The following TASOR2 variants were observed in gnomAD, a reference collection of about 807,000 sequenced individuals.
TASOR2 encodes the protein transcription activation suppressor family member 2, also known as protein TASOR 2.
In TASOR2, 84 loss-of-function variants were observed where a neutral mutation model predicts 199.5. The ratio of observed to expected loss-of-function variants is 0.42; its 90% CI spans 0.35 to 0.50. The LOEUF is 0.50. Ranked by LOEUF, TASOR2 falls within the 20% of genes least tolerant of loss-of-function variation. The probability of loss-of-function intolerance (pLI) is 0.02; values close to 1 mark genes in which losing one functional copy is unlikely to be tolerated. For missense variants in TASOR2, 2,796 were observed against 2,835.9 expected, an observed-to-expected ratio of 0.99 and a Z score of 0.32; for synonymous variants, 1,103 against 1,046.6, an observed-to-expected ratio of 1.05 and a Z score of -1.04.
intron 1 of TASOR2, among the ~76,000 whole-genome samples, chr10:5,686,656 A>G (rs1223833314): frequency 6.6e-6 from 1 of 152,226 alleles, no homozygotes; most frequent in African/African-American, 2.4e-5. Context: ...TTTTATCTCC[A>G]TGCTAGCCAG....
exon 20 of TASOR2, chr10:5,762,554 A>T (rs750631530): frequency 1.6e-6 from 2 of 1,224,686 alleles, no homozygotes; most frequent in South Asian, 1.5e-5. Flanking sequence ...TCCCCAGAGA[A>T]GTCTTTGAAA....
chr10:5,686,675 G>A (rs774211835), intron 1 of TASOR2, among the ~76,000 whole-genome samples: 1 of 152,212 alleles, frequency 6.6e-6, no homozygotes, highest in Non-Finnish European at 1.5e-5. Context: ...AGCACTGGAT[G>A]ATAATGGTAT....
rs1554784463 is a variant in TASOR2, at chr10:5,762,508, G to GATTTT, written c.7175-24_7175-23insATTTT. Reference sequence around the variant, plus strand: ...AGTACATTAATTATATTAACCAAAAGTTGTTTTTTTTTTTTTTTAACAGAC... The same window carrying GATTTT: ...AGTACATTAATTATATTAACCAAAAGATTTTTTGTTTTTTTTTTTTTTTAACAGAC... On this transcript the variant is annotated intron_variant, in intron 19 of 20. Coordinates refer to ENST00000328090, the Ensembl canonical transcript of TASOR2. The GATTTT allele has an allele frequency of 1.2e-3, 605 of 488,150 alleles. 4 individuals carry two copies. Among genetic ancestry groups the GATTTT allele is most frequent in the Middle Eastern group, 2.6e-3 (4 of 1,548 alleles). The allele number at this position is 488,150 out of a possible 1,614,324, so 30.2% of individuals were successfully genotyped here. A position where few individuals can be genotyped will look rare whatever the true frequency, so the allele number is the denominator to read the frequency against.
In TASOR2 at chr10:5,737,183, T is replaced by C. The variant is rs1835735720; in HGVS notation, c.1447+1637T>C. 6.6e-6 allele frequency among the ~76,000 whole-genome samples: 1 copy of C among 151,974 alleles called. No homozygotes were observed. The highest frequency in any genetic ancestry group is 2.1e-4 in the South Asian group (1 of 4,806). Reference sequence around the variant, plus strand: ...CCATTTTGGCCAGGATAGTCTCAACTTCTTGACCTCTTGACCTCATGCTCT... The same window carrying C: ...CCATTTTGGCCAGGATAGTCTCAACCTCTTGACCTCTTGACCTCATGCTCT... On this transcript the variant is annotated intron_variant, in intron 12 of 20. Transcript: ENST00000328090. This position sits in a 1 kb window ranked among gnomAD's most constrained non-coding sequence, Gnocchi z 4.9.
Position 5,720,410 on chromosome 10 carries a change from G to C in TASOR2, c.-99-134G>C. ...TGAACTGAGTCAGGTATAGTTACCT[G>C]TGAATGAGTAACACCCAAGATATAT... On this transcript the variant is annotated intron_variant, in intron 3 of 20. Coordinates refer to ENST00000328090, the Ensembl canonical transcript of TASOR2. The surrounding 1 kb of genome is among the most constrained non-coding windows in gnomAD (Gnocchi z 5.3). 7.2e-7 allele frequency: 1 copy of C among 1,390,636 alleles called. No individual in the cohort carries two copies. The highest frequency in any genetic ancestry group is 9.3e-7 in the Non-Finnish European group (1 of 1,078,352). The allele number at this position is 1,390,636 out of a possible 1,614,324, so 86.1% of individuals were successfully genotyped here.
chr10:5,726,720 G>A lies in TASOR2; in HGVS notation c.352-165G>A, dbSNP rs372013230. 2,396 of 617,738 alleles carry A rather than the reference G, an allele frequency of 3.9e-3. 20 individuals carry two copies. The highest frequency in any genetic ancestry group is 0.012 in the South Asian group (587 of 49,426). The allele number at this position is 617,738 out of a possible 1,614,324, so 38.3% of individuals were successfully genotyped here. On this transcript the variant is annotated intron_variant, in intron 8 of 20. Coordinates refer to ENST00000328090, the Ensembl canonical transcript of TASOR2. ...ACAGGGCCAAGATTATTTCAGCTAA[G>A]GAACTTGAAGTTTCTGATACTGGGG...
At chr10:5,755,588 C>T (rs187518236) in intron 15 of TASOR2, among the ~76,000 whole-genome samples, 288 of 151,386 alleles carry the variant, frequency 1.9e-3, no homozygotes, top group Admixed American at 3.5e-3. Context: ...AAAAAAGATC[C>T]AAGGGAAACA....
intron 2 of TASOR2, among the ~76,000 whole-genome samples, chr10:5,715,453 T>G (rs1832503249): frequency 6.6e-6 from 1 of 152,170 alleles, no homozygotes; most frequent in South Asian, 2.1e-4. Flanking sequence ...ATTTGTCTAT[T>G]CTAGACATTT....
chr10:5,720,481 A>C lies in TASOR2; in HGVS notation c.-99-63A>C. The C allele has an allele frequency of 6.9e-7, 1 of 1,441,244 alleles. No individual in the cohort carries two copies. The highest frequency in any genetic ancestry group is 1.4e-5 in the African/African-American group (1 of 69,942). 89.3% of individuals were successfully genotyped at this position (1,441,244 alleles called of 1,614,324 possible). On this transcript the variant is annotated intron_variant, in intron 3 of 20. Coordinates refer to ENST00000328090, the Ensembl canonical transcript of TASOR2. The surrounding 1 kb of genome is among the most constrained non-coding windows in gnomAD (Gnocchi z 5.3). ...ATTTCAGGGCTCGGTGGGGTTGAGA[A>C]AAACTTGGTACATATGCAGTTCCAT... is the stretch of plus-strand genomic sequence containing the variant.
chr10:5,697,019 A>G (rs1180671325), intron 1 of TASOR2, among the ~76,000 whole-genome samples: 1 of 152,208 alleles, frequency 6.6e-6, no homozygotes, highest in Non-Finnish European at 1.5e-5. Flanking sequence ...AGGGCCAACC[A>G]AGGAGGTTCT....
At chr10:5,747,559 A>G (rs1279860549) in exon 15 of TASOR2, 1 of 1,614,026 alleles carries the variant, frequency 6.2e-7, no homozygotes, top group Non-Finnish European at 8.5e-7. Flanking sequence ...CACCCTTGAG[A>G]TTGCAGAGGA....
In TASOR2 at chr10:5,699,230, G is replaced by A. The variant is rs751790019; in HGVS notation, c.-287-13593G>A. ...TGAAAGAAGCCAATCATGAAGGACCGCGTGCTGTATGACTCTGTTTATAGG... is the reference window on the plus strand; with the variant it reads ...TGAAAGAAGCCAATCATGAAGGACCACGTGCTGTATGACTCTGTTTATAGG... On this transcript the variant is annotated intron_variant, in intron 1 of 20. Coordinates refer to ENST00000328090, the Ensembl canonical transcript of TASOR2. This position sits in a 1 kb window ranked among gnomAD's most constrained non-coding sequence, Gnocchi z 4.1. Among the ~76,000 whole-genome samples the A allele has an allele frequency of 2.6e-5, 4 of 152,068 alleles. No individual in the cohort carries two copies. The highest frequency in any genetic ancestry group is 4.8e-5 in the African/African-American group (2 of 41,422).
At chr10:5,702,028 C>T (rs1244599819) in intron 1 of TASOR2, among the ~76,000 whole-genome samples, 2 of 152,174 alleles carry the variant, frequency 1.3e-5, no homozygotes. Context: ...GCATCCTTGT[C>T]TTGTTCCATA....
rs776626732 is a variant in TASOR2, at chr10:5,730,758, T to G, written c.759T>G (p.Pro253=). 1 of 1,614,210 alleles carries G rather than the reference T, an allele frequency of 6.2e-7. No homozygotes were observed. Among genetic ancestry groups the G allele is most frequent in the Non-Finnish European group, 8.5e-7 (1 of 1,180,030 alleles). ...TGATTCCTCCAGCTGAAAAGTGCCC[T>G]TCAGAGTCTTTAACTCAGTTGAACT... The change falls in exon 11 of 21, where the codon CCT becomes CCG. Residue 253 remains proline (P), a synonymous_variant. Transcript: ENST00000328090. The surrounding 1 kb of genome is among the most constrained non-coding windows in gnomAD (Gnocchi z 4.1).
intron 1 of TASOR2, among the ~76,000 whole-genome samples, chr10:5,697,615 G>A (rs1351748525): frequency 2.0e-5 from 3 of 152,112 alleles, no homozygotes; most frequent in African/African-American, 7.2e-5. Context: ...TCTCTAAGAG[G>A]CAAGCAGAGC....
chr10:5,757,518 A>G lies in TASOR2; in HGVS notation c.6733-2A>G. 4 of 1,596,626 alleles carry G rather than the reference A, an allele frequency of 2.5e-6. No individual in the cohort carries two copies. Among genetic ancestry groups the G allele is most frequent in the Non-Finnish European group, 3.4e-6 (4 of 1,175,006 alleles). The stretch of plus-strand genomic sequence containing the variant: ...CACCGGGGTCCTTTTTGTGTCATGC[A>G]GATTCCTTCTTTGCTGAAGCTGAAG... On this transcript the variant is annotated splice_acceptor_variant, in intron 16 of 20. Coordinates refer to ENST00000328090, the Ensembl canonical transcript of TASOR2. LOFTEE classifies it high-confidence loss of function.
chr10:5,735,561 TC>T lies in TASOR2; in HGVS notation c.1447+17del, dbSNP rs1835452502. On this transcript the variant is annotated intron_variant, in intron 12 of 20. Transcript: ENST00000328090. Reference sequence around the variant, plus strand: ...GCTACAACCTGGTAAGAAATACTCTTCCTATAAATTTAAACACCCCAATACA... The same window carrying T: ...GCTACAACCTGGTAAGAAATACTCTTCTATAAATTTAAACACCCCAATACA... 6.2e-7 allele frequency: 1 copy of T among 1,609,948 alleles called. No individual in the cohort carries two copies. Among genetic ancestry groups the T allele is most frequent in the Non-Finnish European group, 8.5e-7 (1 of 1,178,908 alleles).
Position 5,730,719 on chromosome 10 carries a change from C to G in TASOR2, c.720C>G (p.Pro240=), listed in dbSNP as rs575109151. ...ACCCTACATTCTTGGGGAAACTGCC[C>G]AGTGGTTTTGACTTGATTCCTCCAG... The change falls in exon 11 of 21, where the codon CCC becomes CCG. Residue 240 remains proline (P), a synonymous_variant. Transcript: ENST00000328090. The surrounding 1 kb of genome is among the most constrained non-coding windows in gnomAD (Gnocchi z 4.1). The G allele has an allele frequency of 6.2e-7, 1 of 1,614,152 alleles. No homozygotes were observed. Among genetic ancestry groups the G allele is most frequent in the Non-Finnish European group, 8.5e-7 (1 of 1,180,020 alleles).
At chr10:5,758,352 G>A (rs1839273119) in intron 17 of TASOR2, among the ~76,000 whole-genome samples, 1 of 152,094 alleles carries the variant, frequency 6.6e-6, no homozygotes, top group African/African-American at 2.4e-5. Context: ...ACCAGCCTGG[G>A]CAACATAGTG....
Sources: allele counts gnomAD v4.1 joint callset (sites outside exome capture counted in the v4.1 genomes callset), GRCh38; gene constraint gnomAD v4.1.1; non-coding constraint Gnocchi (gnomAD v3.1); transcripts MANE v1.5; gene names NCBI Gene and HGNC (gene_info 2026-07-23, HGNC 2026-07-21).